The following APPL2 variants were observed in gnomAD, a reference collection of about 807,000 sequenced individuals.
The protein encoded by APPL2 is DCC-interacting protein 13-beta.
Under a neutral mutation model 92.7 loss-of-function variants are expected in APPL2, and 84 were observed. The observed-to-expected ratio is 0.91, with a 90% CI of 0.76 to 1.09. The LOEUF is 1.09. Ranked by LOEUF, APPL2 falls within the 50% of genes least tolerant of loss-of-function variation. The pLI is 0.00. For synonymous variants in APPL2, 291 were observed against 291.0 expected (o/e 1.00, Z 0.00); for missense variants, 736 against 824.5 (o/e 0.89, Z 1.31).
chr12:105,176,372 T>C (rs1353675514), intron 19 of APPL2: 5 of 535,416 alleles, frequency 9.3e-6, no homozygotes, highest in African/African-American at 4.0e-5. Flanking sequence ...CTTAAATGTA[T>C]TTAGCCACGA....
chr12:105,234,573 T>C (rs1403893981), intron 1 of APPL2, among the ~76,000 whole-genome samples: 3 of 152,256 alleles, frequency 2.0e-5, no homozygotes, highest in African/African-American at 4.8e-5. Flanking sequence ...CACTGTAACC[T>C]GGCTTAGGCA....
chr12:105,200,835 T>C (rs1487791576), intron 9 of APPL2, among the ~76,000 whole-genome samples: 2 of 74,276 alleles, frequency 2.7e-5, no homozygotes, highest in Admixed American at 2.7e-4. Flanking sequence ...TCTCTACGTA[T>C]GTATGTATGT....
intron 2 of APPL2, among the ~76,000 whole-genome samples, chr12:105,224,230 C>G (rs1028396668): frequency 2.0e-5 from 3 of 152,168 alleles, no homozygotes; most frequent in African/African-American, 7.2e-5. Flanking sequence ...CCTCTCAGTC[C>G]CTGTCAGATA....
At chr12:105,218,032 CAGG>C in intron 2 of APPL2, among the ~76,000 whole-genome samples, 1 of 152,006 alleles carries the variant, frequency 6.6e-6, no homozygotes. Context: ...CCCTTAAGCC[CAGG>C]AGGTTGAGGC....
At chr12:105,234,010 C>A (rs1891088706) in intron 1 of APPL2, among the ~76,000 whole-genome samples, 1 of 152,164 alleles carries the variant, frequency 6.6e-6, no homozygotes, top group South Asian at 2.1e-4. Flanking sequence ...GCACAGGTCA[C>A]ATACAAGAGA....
Position 105,197,965 on chromosome 12 carries a change from G to A in APPL2, c.864-12C>T, listed in dbSNP as rs984480316. 1.2e-6 allele frequency: 2 copies of A among 1,611,502 alleles called. No individual in the cohort carries two copies. Among genetic ancestry groups the A allele is most frequent in the East Asian group, 2.2e-5 (1 of 44,826 alleles). On this transcript the variant is annotated splice_polypyrimidine_tract_variant and intron_variant, in intron 10 of 20. Coordinates refer to ENST00000258530, the MANE Select transcript of APPL2 (RefSeq NM_018171.5). ...CCAGCCCTGTTTTGCTGTGAGTTGTGTTTTAAAAAGCCCATTAGTACCAGA... is the reference window on the plus strand; with the variant it reads ...CCAGCCCTGTTTTGCTGTGAGTTGTATTTTAAAAAGCCCATTAGTACCAGA...
chr12:105,198,229 G>A (rs1231943918), intron 10 of APPL2, among the ~76,000 whole-genome samples: 3 of 152,140 alleles, frequency 2.0e-5, no homozygotes, highest in African/African-American at 7.2e-5. Flanking sequence ...TAAACCAGGA[G>A]ATGCAACTAG....
At chr12:105,211,166 A>C in intron 5 of APPL2, 64 bp downstream of exon 5, 2 of 1,135,824 alleles carry the variant, frequency 1.8e-6, no homozygotes, top group Non-Finnish European at 2.7e-6. Context: ...ATGCAGTAAG[A>C]ATTATTATGA....
intron 1 of APPL2, chr12:105,233,162 A>G (rs1891042680): frequency 2.0e-6 from 2 of 985,488 alleles, no homozygotes; most frequent in Non-Finnish European, 1.2e-6. Flanking sequence ...TTCCTATCGC[A>G]GCAGGATTCA....
At chr12:105,235,884 C>T in intron 1 of APPL2, 75 bp downstream of exon 1, 2 of 1,173,014 alleles carry the variant, frequency 1.7e-6, no homozygotes, top group Non-Finnish European at 1.1e-6. Context: ...GGGGGCGCGG[C>T]CTCCACTCCG....
intron 17 of APPL2, among the ~76,000 whole-genome samples, chr12:105,186,072 T>C (rs1886580106): frequency 6.6e-6 from 1 of 152,226 alleles, no homozygotes; most frequent in South Asian, 2.1e-4. Flanking sequence ...GCACAATGAT[T>C]TCATCATTCA....
chr12:105,199,554 C>A, intron 9 of APPL2, 23 bp from the exon 10 acceptor site: 1 of 1,608,170 alleles, frequency 6.2e-7, no homozygotes, highest in South Asian at 1.1e-5. Flanking sequence ...GGTGTTGGGT[C>A]AGTTACTCAC....
At chr12:105,182,834 C>T (rs913293881) in intron 17 of APPL2, among the ~76,000 whole-genome samples, 2 of 152,108 alleles carry the variant, frequency 1.3e-5, no homozygotes, top group Non-Finnish European at 2.9e-5. Context: ...TCTTGTTGAT[C>T]TAATATTGAC....
intron 2 of APPL2, among the ~76,000 whole-genome samples, chr12:105,226,129 A>G (rs2136079907): frequency 6.6e-6 from 1 of 152,354 alleles, no homozygotes; most frequent in African/African-American, 2.4e-5. Context: ...AACTTGAATG[A>G]AAACACTGAG....
At chr12:105,227,486 C>T (rs12321199) in intron 2 of APPL2, among the ~76,000 whole-genome samples, 19,060 of 152,152 alleles carry the variant, frequency 0.13, 1,397 homozygotes, top group African/African-American at 0.2. Context: ...CTCACAGGCA[C>T]GCACACACAC....
In APPL2 at chr12:105,189,770, A is replaced by T; in HGVS notation, c.1459+2T>A. The T allele has an allele frequency of 1.2e-6, 2 of 1,614,166 alleles. No individual in the cohort carries two copies. The highest frequency in any genetic ancestry group is 1.1e-5 in the South Asian group (1 of 91,088). On this transcript the variant is annotated splice_donor_variant, in intron 16 of 20. Coordinates refer to ENST00000258530, the MANE Select transcript of APPL2 (RefSeq NM_018171.5). LOFTEE classifies it high-confidence loss of function. ...AATAAGGACACCAAACTAGTCACTT[A>T]CCTTCTGCTTCTGGAAATGATTCAT...
At chr12:105,229,069 G>C in intron 2 of APPL2, 56 bp downstream of exon 2, 3 of 1,440,876 alleles carry the variant, frequency 2.1e-6, no homozygotes, top group Admixed American at 2.0e-5. Context: ...GGGAAGTTCA[G>C]GATGAGGGGA....
chr12:105,205,065 C>T (rs893843705), intron 8 of APPL2, among the ~76,000 whole-genome samples: 7 of 152,176 alleles, frequency 4.6e-5, no homozygotes, highest in African/African-American at 1.7e-4. Context: ...GTCTCCACCA[C>T]AACTGCCTTA....
intron 2 of APPL2, among the ~76,000 whole-genome samples, chr12:105,224,893 C>A (rs1890376988): frequency 6.6e-6 from 1 of 152,092 alleles, no homozygotes; most frequent in Non-Finnish European, 1.5e-5. Flanking sequence ...TCTTTATATA[C>A]CAAATTATGC....
Sources: allele counts gnomAD v4.1 joint callset (sites outside exome capture counted in the v4.1 genomes callset), GRCh38; gene constraint gnomAD v4.1.1; transcripts MANE v1.5; gene names NCBI Gene and HGNC (gene_info 2026-07-23, HGNC 2026-07-21).